The following NRXN3 variants were observed in gnomAD, a reference collection of about 807,000 sequenced individuals.
The protein encoded by NRXN3 is neurexin 3.
In NRXN3, 32 loss-of-function variants were observed where a neutral mutation model predicts 137.6. The observed-to-expected ratio is 0.23, with a 90% CI of 0.18 to 0.31. NRXN3 has a LOEUF of 0.31. NRXN3 is among the 10% of genes least tolerant of loss of function. NRXN3 has a pLI of 1.00. For missense variants in NRXN3, 1,574 were observed against 2,062.5 expected, an observed-to-expected ratio of 0.76 and a Z score of 4.59; for synonymous variants, 798 against 784.5, an observed-to-expected ratio of 1.02 and a Z score of -0.29.
At chr14:78,748,183 C>A (rs1354563133) in intron 8 of NRXN3, among the ~76,000 whole-genome samples, 1 of 152,112 alleles carries the variant, frequency 6.6e-6, no homozygotes, top group Non-Finnish European at 1.5e-5. Flanking sequence ...GACAGAACCC[C>A]TTTCTTTACA....
chr14:79,527,834 G>T (rs1298126901), intron 16 of NRXN3, among the ~76,000 whole-genome samples: 13 of 145,062 alleles, frequency 9.0e-5, no homozygotes, highest in Non-Finnish European at 1.6e-4. Flanking sequence ...TTGTGCCACT[G>T]TACTCCAGCC....
In NRXN3 at chr14:78,645,132, A is replaced by C; in HGVS notation, c.770A>C (p.Asn257Thr). The C allele has an allele frequency of 6.4e-7, 1 of 1,562,428 alleles. No homozygotes were observed. Among genetic ancestry groups the C allele is most frequent in the Non-Finnish European group, 8.6e-7 (1 of 1,160,084 alleles). ...TCTTTTCCTATAGCTCGAGAGGAGA[A>C]TGTGGCCACTTTCCGAGGCTCAGAG... ...LMMSEQAREENVATFRGSEYL... is the reference protein window; with the variant it reads ...LMMSEQAREETVATFRGSEYL... Residue 257 changes from asparagine (N) to threonine (T), a missense_variant, in exon 5 of 21, where the codon AAT (asparagine) becomes ACT (threonine). Physicochemically the swap from Asn to Thr is moderately conservative, Grantham distance 65. Around this residue, in one of 5 missense-constraint regions of NRXN3, gnomAD observed 400 missense variants for 527.3 expected, o/e 0.76. Transcript: ENST00000335750.
At chr14:78,344,762 C>T (rs1022870647) in intron 4 of NRXN3, among the ~76,000 whole-genome samples, 5 of 152,164 alleles carry the variant, frequency 3.3e-5, no homozygotes, top group African/African-American at 9.7e-5. Flanking sequence ...GCTAATATAG[C>T]GTTCATTGCT....
intron 15 of NRXN3, among the ~76,000 whole-genome samples, chr14:79,444,007 G>A (rs1245830802): frequency 6.6e-6 from 1 of 152,186 alleles, no homozygotes; most frequent in Non-Finnish European, 1.5e-5. Flanking sequence ...GAGGAAAGTA[G>A]TTGTTGGCAC....
intron 4 of NRXN3, among the ~76,000 whole-genome samples, chr14:78,343,675 G>A (rs2082385926): frequency 6.6e-6 from 1 of 152,174 alleles, no homozygotes; most frequent in Admixed American, 6.5e-5. Flanking sequence ...AAAATCTGGT[G>A]CTTCCTCTAG....
intron 14 of NRXN3, among the ~76,000 whole-genome samples, chr14:78,970,460 A>AC (rs1326640161): frequency 2.0e-5 from 3 of 152,122 alleles, no homozygotes; most frequent in Admixed American, 2.0e-4. Flanking sequence ...GCACACCTCA[A>AC]CCCAGGGGCT....
intron 4 of NRXN3, among the ~76,000 whole-genome samples, chr14:78,466,684 A>G (rs1318767645): frequency 6.6e-6 from 1 of 152,174 alleles, no homozygotes; most frequent in African/African-American, 2.4e-5. Flanking sequence ...AAAGAGAGCA[A>G]CCTTTGGCAC....
chr14:79,758,135 T>C (rs977807675), intron 19 of NRXN3, among the ~76,000 whole-genome samples: 1 of 152,210 alleles, frequency 6.6e-6, no homozygotes, highest in Non-Finnish European at 1.5e-5. Flanking sequence ...TTTAACAAAT[T>C]GTCTTCATTT....
chr14:79,022,689 C>T (rs1217034438), intron 15 of NRXN3, among the ~76,000 whole-genome samples: 1 of 152,176 alleles, frequency 6.6e-6, no homozygotes, highest in Non-Finnish European at 1.5e-5. Flanking sequence ...GTTGCAGCAG[C>T]ATTTGGTGTT....
chr14:78,456,411 C>T (rs2094701904), intron 4 of NRXN3, among the ~76,000 whole-genome samples: 1 of 152,196 alleles, frequency 6.6e-6, no homozygotes, highest in Admixed American at 6.5e-5. Flanking sequence ...AATGGAAACA[C>T]AGGTATGTAA....
chr14:79,138,113 G>A (rs180676481), intron 15 of NRXN3, among the ~76,000 whole-genome samples: 86 of 152,270 alleles, frequency 5.6e-4, no homozygotes, highest in African/African-American at 1.8e-3. Context: ...AATAGGACAT[G>A]GGAACAGGAA....
intron 10 of NRXN3, among the ~76,000 whole-genome samples, chr14:78,853,791 A>G (rs1257952630): frequency 6.6e-6 from 1 of 151,914 alleles, no homozygotes; most frequent in Non-Finnish European, 1.5e-5. Flanking sequence ...CCTGACTTCT[A>G]CCCTTCCCTT....
chr14:79,189,454 G>T (rs968709097), intron 15 of NRXN3, among the ~76,000 whole-genome samples: 1 of 151,708 alleles, frequency 6.6e-6, no homozygotes, highest in Non-Finnish European at 1.5e-5. Context: ...GAGTTAATGG[G>T]TGCAGCACAC....
chr14:79,806,962 A>ATTTTTTTT (rs35028709), intron 20 of NRXN3, among the ~76,000 whole-genome samples: 4 of 26,358 alleles, frequency 1.5e-4, no homozygotes, highest in Non-Finnish European at 1.9e-4. Context: ...ATATATATAT[A>ATTTTTTTT]TTTTTTTTTT....
intron 15 of NRXN3, among the ~76,000 whole-genome samples, chr14:79,234,593 C>T (rs573405265): frequency 6.6e-6 from 1 of 151,344 alleles, no homozygotes; most frequent in Non-Finnish European, 1.5e-5. Context: ...CCATGTTGGC[C>T]AGGATGGTCT....
chr14:78,948,633 T>G (rs1318205313), intron 10 of NRXN3, among the ~76,000 whole-genome samples: 1 of 114,440 alleles, frequency 8.7e-6, no homozygotes, highest in African/African-American at 5.3e-5. Flanking sequence ...TTTAACTTTT[T>G]TTTTTTTTTT....
intron 4 of NRXN3, among the ~76,000 whole-genome samples, chr14:78,521,868 T>C (rs2096289194): frequency 6.6e-6 from 1 of 152,204 alleles, no homozygotes; most frequent in African/African-American, 2.4e-5. Context: ...AGGAAGGATG[T>C]AAATTAACTT....
At chr14:78,244,059 A>C (rs1476550966) in intron 2 of NRXN3, among the ~76,000 whole-genome samples, 3 of 152,222 alleles carry the variant, frequency 2.0e-5, no homozygotes, top group Non-Finnish European at 4.4e-5. Flanking sequence ...AGTAGGCTGC[A>C]GGGTCTGCCC....
chr14:78,384,669 C>G (rs920242818), intron 4 of NRXN3, among the ~76,000 whole-genome samples: 2 of 152,096 alleles, frequency 1.3e-5, no homozygotes, highest in African/African-American at 4.8e-5. Context: ...TATTCTGCCC[C>G]CTCCCCAGAT....
Sources: allele counts gnomAD v4.1 joint callset (sites outside exome capture counted in the v4.1 genomes callset), GRCh38; gene constraint gnomAD v4.1.1; regional missense constraint gnomAD v4.1.1; transcripts MANE v1.5; gene names NCBI Gene and HGNC (gene_info 2026-07-23, HGNC 2026-07-21).